The following SLC66A1 variants were observed in gnomAD, a reference collection of about 807,000 sequenced individuals.
SLC66A1 encodes lysosomal amino acid transporter 1 homolog.
In SLC66A1, 23 loss-of-function variants were observed where a neutral mutation model predicts 33.0. That is an observed-to-expected ratio of 0.70 (90% CI 0.50 to 0.99). The LOEUF (loss-of-function observed/expected upper bound fraction) is 0.99, where lower values mean the gene tolerates loss of function less well. Ranked by LOEUF, SLC66A1 falls within the 50% of genes least tolerant of loss-of-function variation. The pLI, the probability that SLC66A1 is intolerant of heterozygous loss-of-function variation, is 0.00. For missense variants in SLC66A1, 335 were observed against 383.6 expected (o/e 0.87, Z 1.06); for synonymous variants, 164 against 175.5 (o/e 0.93, Z 0.52).
chr1:19,327,117 T>C, intron 6 of SLC66A1, 110 bp from the exon 7 acceptor site: 1 of 1,115,158 alleles, frequency 9.0e-7, no homozygotes, highest in Non-Finnish European at 1.3e-6. Flanking sequence ...AGGGAAAGAT[T>C]GGCTCAGAGC....
chr1:19,334,450 G>A, the SLC66A1 span, among the ~76,000 whole-genome samples: 1 of 152,230 alleles, frequency 6.6e-6, no homozygotes, highest in South Asian at 2.1e-4. Flanking sequence ...ACATTATATT[G>A]AGAAAAATAC....
At chr1:19,316,718 G>A (rs996944523) in intron 1 of SLC66A1, among the ~76,000 whole-genome samples, 1 of 151,746 alleles carries the variant, frequency 6.6e-6, no homozygotes, top group Non-Finnish European at 1.5e-5. Context: ...CCAGGCTGGA[G>A]TGCATTGGTG....
At chr1:19,321,567 A>ATTTTTT (rs35415316) in intron 2 of SLC66A1, among the ~76,000 whole-genome samples, 5 of 132,450 alleles carry the variant, frequency 3.8e-5, no homozygotes, top group Non-Finnish European at 3.2e-5. Context: ...GTCCAACCTC[A>ATTTTTT]TTTTTTTTTT....
rs574777414 is a variant in SLC66A1 at position 19,312,368 on chromosome 1, A to C, written c.-600A>C. ...GGCGGATCTGGACGTGGTGAGCCGG[A>C]CCGGGGGCAGGTGGCAAACTTCACG... On this transcript the variant is annotated 5_prime_UTR_variant, in exon 1 of 8. Coordinates refer to ENST00000375153, the MANE Select transcript of SLC66A1 (RefSeq NM_001040125.2). 191 of 245,576 alleles carry C rather than the reference A, an allele frequency of 7.8e-4. No individual in the cohort carries two copies. The highest frequency in any genetic ancestry group is 4.1e-3 in the African/African-American group (182 of 44,212). The allele number at this position is 245,576 out of a possible 1,614,324, so 15.2% of individuals were successfully genotyped here.
At chr1:19,325,861 G>C (rs1003413343) in intron 4 of SLC66A1, among the ~76,000 whole-genome samples, 1 of 152,298 alleles carries the variant, frequency 6.6e-6, no homozygotes, top group African/African-American at 2.4e-5. Flanking sequence ...CTCTGTGTCC[G>C]GCCCTGGGCT....
downstream of SLC66A1, among the ~76,000 whole-genome samples, chr1:19,333,976 G>T (rs541770220): frequency 3.2e-4 from 49 of 152,236 alleles, no homozygotes; most frequent in Admixed American, 1.6e-3. The surrounding 1 kb of genome is among the most constrained non-coding windows in gnomAD (Gnocchi z 4.2). Context: ...TGGCCCTAGG[G>T]CAGGGAGTGG....
intron 2 of SLC66A1, among the ~76,000 whole-genome samples, chr1:19,321,818 C>T (rs905546451): frequency 7.1e-6 from 1 of 140,872 alleles, no homozygotes; most frequent in Non-Finnish European, 1.5e-5. Flanking sequence ...CTACCTGCCT[C>T]AGCCTCCAAA....
intron 5 of SLC66A1, 47 bp downstream of exon 5, chr1:19,326,434 C>A: frequency 6.2e-7 from 1 of 1,607,816 alleles, no homozygotes; most frequent in Non-Finnish European, 8.5e-7. Context: ...TGGCTCATCC[C>A]CAGGGCTCTC....
chr1:19,331,210 C>T (rs943022330), downstream of SLC66A1, among the ~76,000 whole-genome samples: 3 of 152,172 alleles, frequency 2.0e-5, no homozygotes, highest in Admixed American at 6.6e-5. Flanking sequence ...CGGGGTTTCA[C>T]CATGTTGGCC....
At chr1:19,331,197 A>C (rs2093891554), downstream of SLC66A1, among the ~76,000 whole-genome samples, 1 of 152,142 alleles carries the variant, frequency 6.6e-6, no homozygotes, top group East Asian at 1.9e-4. Context: ...TTTTTAGTAG[A>C]GACGGGGTTT....
At chr1:19,320,130 A>G (rs962433350) in intron 2 of SLC66A1, among the ~76,000 whole-genome samples, 1 of 150,934 alleles carries the variant, frequency 6.6e-6, no homozygotes, top group African/African-American at 2.5e-5. Flanking sequence ...TGAACTCCTG[A>G]GCTCAAGTGA....
intron 1 of SLC66A1, among the ~76,000 whole-genome samples, chr1:19,316,877 C>CTTTCT (rs1558145720): frequency 1.4e-5 from 1 of 69,826 alleles, no homozygotes; most frequent in African/African-American, 5.1e-5. Context: ...TTCTTTCTTT[C>CTTTCT]TTTTTTTTTT....
chr1:19,315,392 A>G (rs2093799684), intron 1 of SLC66A1, among the ~76,000 whole-genome samples: 1 of 152,240 alleles, frequency 6.6e-6, no homozygotes, highest in Non-Finnish European at 1.5e-5. Context: ...CTGGGCTGAC[A>G]GTGACCTGGG....
intron 2 of SLC66A1, among the ~76,000 whole-genome samples, chr1:19,318,336 C>A (rs2093816596): frequency 6.6e-6 from 1 of 152,206 alleles, no homozygotes; most frequent in South Asian, 2.1e-4. Context: ...GTGAACACAA[C>A]ATTGTGTGGC....
chr1:19,321,013 G>A (rs983382929), intron 2 of SLC66A1, among the ~76,000 whole-genome samples: 2 of 149,736 alleles, frequency 1.3e-5, no homozygotes, highest in Non-Finnish European at 2.9e-5. Context: ...CTGCTCGGCC[G>A]TCTTTTCACT....
At position 19,327,233 on chromosome 1, in the gene SLC66A1, C is replaced by G; in HGVS notation, c.625C>G (p.Arg209Gly). 6.2e-7 allele frequency: 1 copy of G among 1,613,342 alleles called. No homozygotes were observed. The highest frequency in any genetic ancestry group is 8.5e-7 in the Non-Finnish European group (1 of 1,179,496). The change falls in exon 7 of 8, where the codon CGG becomes GGG. Residue 209 changes from arginine (R) to glycine (G), a missense_variant. Arg to Gly is a moderately radical substitution (Grantham distance 125). Coordinates refer to ENST00000375153, the MANE Select transcript of SLC66A1 (RefSeq NM_001040125.2). ...TGACCTCCTCCTGCCCCAGTTCCTC[C>G]GGAAGTCCACCCAGGGGATCTCCTA... ...RLPQIRTNFLRKSTQGISYSL... is the reference protein window; with the variant it reads ...RLPQIRTNFLGKSTQGISYSL...
chr1:19,328,209 G>T lies in SLC66A1; in HGVS notation c.805-363G>T. 1 of 414,602 alleles carries T rather than the reference G, an allele frequency of 2.4e-6. No homozygotes were observed. The highest frequency in any genetic ancestry group is 4.4e-6 in the Non-Finnish European group (1 of 225,526). The allele number at this position is 414,602 out of a possible 1,614,324, so 25.7% of individuals were successfully genotyped here. ...GTTAAGTCCCTGCCGGGCGCAGGGA[G>T]GGGTGAAAGTTTAGGCTCTTGTGCC... On this transcript the variant is annotated intron_variant, in intron 7 of 7. Transcript: ENST00000375153. This position sits in a 1 kb window ranked among gnomAD's most constrained non-coding sequence, Gnocchi z 4.7.
In SLC66A1 at chr1:19,321,169, CTTTTTTTT is replaced by C. The variant is rs71577887; in HGVS notation, c.164+3343_164+3350del. 2.2e-4 allele frequency among the ~76,000 whole-genome samples: 18 copies of C among 82,114 alleles called. 1 individual carries two copies. In the East Asian group the frequency reaches 2.7e-3, roughly 12 times the overall value. The allele number at this position is 82,114 out of a possible 152,430, so 53.9% of individuals were successfully genotyped here. On this transcript the variant is annotated intron_variant, in intron 2 of 7. Transcript: ENST00000375153. ...TAACAAAGATTTATCCTTATCTCTT[CTTTTTTTT>C]TTTTTTTTTTTTTTGAGACACGGTC... is the stretch of plus-strand genomic sequence containing the variant.
chr1:19,329,610 TCCTCAGTG>T (rs1358716755), downstream of SLC66A1, among the ~76,000 whole-genome samples: 1 of 152,220 alleles, frequency 6.6e-6, no homozygotes. Flanking sequence ...CCATCGCAGT[TCCTCAGTG>T]CCTAGCTTAT....
Sources: gnomAD v4.1 joint callset for allele counts (sites outside exome capture counted in the v4.1 genomes callset) on GRCh38, gnomAD v4.1.1 for gene constraint, Gnocchi (gnomAD v3.1) non-coding constraint, MANE v1.5 for transcripts, NCBI Gene and HGNC (gene_info 2026-07-23, HGNC 2026-07-21) for gene names.